AKAP13: variants seen among roughly 807,000 people sequenced by gnomAD.
AKAP13 encodes the protein A-kinase anchor protein 13.
AKAP13 carries 80 observed loss-of-function variants against 264.5 expected under a neutral mutation model. That is an observed-to-expected ratio of 0.30 (90% CI 0.25 to 0.36). AKAP13 has a LOEUF of 0.36. AKAP13 is among the 10% of genes least tolerant of loss of function. The pLI, the probability that AKAP13 is intolerant of heterozygous loss-of-function variation, is 1.00. For synonymous variants in AKAP13, 1,380 were observed against 1,250.2 expected, an observed-to-expected ratio of 1.10 and a Z score of -2.19; for missense variants, 3,712 against 3,435.2, an observed-to-expected ratio of 1.08 and a Z score of -2.01.
chr15:85,652,099 TAGTTTCAGTG>T (rs1455929570), intron 10 of AKAP13, among the ~76,000 whole-genome samples: 1 of 152,232 alleles, frequency 6.6e-6, no homozygotes, highest in East Asian at 1.9e-4. Context: ...AGAAATCATG[TAGTTTCAGTG>T]AGATCAGAGT....
intron 1 of AKAP13, among the ~76,000 whole-genome samples, chr15:85,448,572 AC>A (rs1341661526): frequency 1.3e-5 from 2 of 151,986 alleles, no homozygotes; most frequent in Non-Finnish European, 2.9e-5. Flanking sequence ...CCAGCTTCAA[AC>A]TTGTACATAT....
intron 5 of AKAP13, among the ~76,000 whole-genome samples, chr15:85,567,861 G>A (rs1400821468): frequency 6.6e-6 from 1 of 151,986 alleles, no homozygotes; most frequent in Non-Finnish European, 1.5e-5. Flanking sequence ...AGCAGACGCT[G>A]TCCCACACCT....
At chr15:85,711,209 A>T (rs1017588500) in intron 19 of AKAP13, among the ~76,000 whole-genome samples, 5 of 152,094 alleles carry the variant, frequency 3.3e-5, no homozygotes, top group African/African-American at 1.2e-4. Context: ...GAGAAGTTAT[A>T]GAAAATAGTT....
chr15:85,665,172 C>T (rs2083521567), intron 13 of AKAP13, among the ~76,000 whole-genome samples: 1 of 152,174 alleles, frequency 6.6e-6, no homozygotes, highest in African/African-American at 2.4e-5. Flanking sequence ...CACTGCACTC[C>T]AGCCTGGGTG....
intron 5 of AKAP13, 128 bp from the exon 6 acceptor site, chr15:85,575,003 A>C: frequency 1.3e-6 from 1 of 750,192 alleles, no homozygotes; most frequent in Non-Finnish European, 2.2e-6. Flanking sequence ...TGGGAGGTAT[A>C]TATACTAATT....
At chr15:85,558,898 C>G (rs1207903028) in intron 5 of AKAP13, among the ~76,000 whole-genome samples, 1 of 151,954 alleles carries the variant, frequency 6.6e-6, no homozygotes, top group African/African-American at 2.4e-5. Flanking sequence ...AACTTTTTGA[C>G]ATTTTAAAGA....
At chr15:85,426,147 C>T (rs966369373) in intron 1 of AKAP13, among the ~76,000 whole-genome samples, 5 of 152,140 alleles carry the variant, frequency 3.3e-5, no homozygotes, top group Non-Finnish European at 7.3e-5. Context: ...AATCAGGATT[C>T]ATGTTATGGA....
In AKAP13 at chr15:85,741,404, C is replaced by T; in HGVS notation, c.7967C>T (p.Ala2656Val). The change falls in exon 35 of 37, where the codon GCT (alanine) becomes GTT (valine). Residue 2656 changes from alanine (A) to valine (V), a missense_variant. Ala to Val is a moderately conservative substitution (Grantham distance 64). Coordinates refer to ENST00000394518, the MANE Select transcript of AKAP13 (RefSeq NM_007200.5). ...CAGTATGACCTGGAGCGACTGCGTG[C>T]TGCCCAGAAACAGCTTGAGAGGGAA... Reference protein sequence around the residue: ...TYQYDLERLRAAQKQLEREQE... With the variant: ...TYQYDLERLRVAQKQLEREQE... 1 of 1,613,816 alleles carries T rather than the reference C, an allele frequency of 6.2e-7. No individual in the cohort carries two copies. The highest frequency in any genetic ancestry group is 8.5e-7 in the Non-Finnish European group (1 of 1,179,818).
At chr15:85,601,649 T>TGTGTGTGTGTGTGTGTGTG (rs1567149362) in intron 8 of AKAP13, among the ~76,000 whole-genome samples, 16 of 151,014 alleles carry the variant, frequency 1.1e-4, no homozygotes, top group South Asian at 2.1e-4. Flanking sequence ...TGTGTGTGTG[T>TGTGTGTGTGTGTGTGTGTG]TTTTCTTCCA....
intron 1 of AKAP13, among the ~76,000 whole-genome samples, chr15:85,438,263 A>G (rs1213321193): frequency 7.4e-6 from 1 of 135,140 alleles, no homozygotes; most frequent in Non-Finnish European, 1.5e-5. Context: ...CTTAAAAGGG[A>G]TGTGAAGGAC....
At position 85,745,992 on chromosome 15, in the gene AKAP13, TC is replaced by T. The variant is rs2089357839; in HGVS notation, c.*1316del. 6.6e-6 allele frequency: 1 copy of T among 152,432 alleles called. No individual in the cohort carries two copies. Among genetic ancestry groups the T allele is most frequent in the African/African-American group, 2.4e-5 (1 of 41,466 alleles). 9.4% of individuals were successfully genotyped at this position (152,432 alleles called of 1,614,324 possible). A position where few individuals can be genotyped will look rare whatever the true frequency, so the allele number is the denominator to read the frequency against. Reference sequence around the variant, plus strand: ...TTTCCCACCGTGTTTTCATCTTTGTTCACTTGAGGCTTTCCCCAGCTGGTGT... The same window carrying T: ...TTTCCCACCGTGTTTTCATCTTTGTTACTTGAGGCTTTCCCCAGCTGGTGT... On this transcript the variant is annotated 3_prime_UTR_variant, in exon 37 of 37. Transcript: ENST00000394518.
chr15:85,664,074 T>C (rs1177390166), intron 12 of AKAP13, among the ~76,000 whole-genome samples: 1 of 152,202 alleles, frequency 6.6e-6, no homozygotes, highest in African/African-American at 2.4e-5. Context: ...TGTAAAATTA[T>C]AAAGGTCAAC....
At chr15:85,426,372 G>A (rs1447950185) in intron 1 of AKAP13, among the ~76,000 whole-genome samples, 2 of 152,206 alleles carry the variant, frequency 1.3e-5, no homozygotes, top group Non-Finnish European at 2.9e-5. Flanking sequence ...AGTGGGCTCT[G>A]TGATTACTGT....
chr15:85,747,855 T>TATTC lies in AKAP13; in HGVS notation c.*3180_*3183dup, dbSNP rs1250292612. The stretch of plus-strand genomic sequence containing the variant: ...CCCCTTCTGTGTCTCAGGGTAATAC[T>TATTC]ATTCAGAGTCGCCCCTTTGCTCATT... On this transcript the variant is annotated 3_prime_UTR_variant, in exon 37 of 37. Transcript: ENST00000394518. 1 of 153,344 alleles carries TATTC rather than the reference T, an allele frequency of 6.5e-6. No individual in the cohort carries two copies. Among genetic ancestry groups the TATTC allele is most frequent in the Non-Finnish European group, 1.5e-5 (1 of 68,050 alleles). The allele number at this position is 153,344 out of a possible 1,614,324, so 9.5% of individuals were successfully genotyped here.
chr15:85,532,971 G>A (rs565677567), intron 3 of AKAP13, among the ~76,000 whole-genome samples: 3 of 152,356 alleles, frequency 2.0e-5, no homozygotes, highest in African/African-American at 7.2e-5. Context: ...TAGTGGTTGA[G>A]ATGGGAAATA....
intron 8 of AKAP13, among the ~76,000 whole-genome samples, chr15:85,606,116 TG>T (rs1169484226): frequency 5.6e-5 from 8 of 141,746 alleles, no homozygotes; most frequent in African/African-American, 2.3e-4. Flanking sequence ...TTTTTTTTTT[TG>T]TTGAGATGTA....
At chr15:85,565,794 C>T (rs1371917859) in intron 5 of AKAP13, among the ~76,000 whole-genome samples, 1 of 152,200 alleles carries the variant, frequency 6.6e-6, no homozygotes, top group African/African-American at 2.4e-5. Flanking sequence ...CTTTCCTTCC[C>T]TCTACTGGTC....
chr15:85,386,589 C>T (rs780387042), intron 1 of AKAP13, among the ~76,000 whole-genome samples: 4 of 152,010 alleles, frequency 2.6e-5, no homozygotes, highest in Admixed American at 6.6e-5. Flanking sequence ...GTGCCCGGCT[C>T]GCCTAGAAGT....
chr15:85,678,760 T>G (rs767061432), intron 14 of AKAP13, among the ~76,000 whole-genome samples: 33 of 151,902 alleles, frequency 2.2e-4, no homozygotes, highest in Non-Finnish European at 4.6e-4. Flanking sequence ...TCGCAGTTAC[T>G]TGGGAGGCTG....
Sources: allele counts gnomAD v4.1 joint callset (sites outside exome capture counted in the v4.1 genomes callset), GRCh38; gene constraint gnomAD v4.1.1; transcripts MANE v1.5; gene names NCBI Gene and HGNC (gene_info 2026-07-23, HGNC 2026-07-21).